MAPK8: variants seen among roughly 807,000 people sequenced by gnomAD.
MAPK8 encodes JUN N-terminal kinase.
A neutral mutation model predicts 52.9 loss-of-function variants in MAPK8; 13 were observed. The ratio of observed to expected loss-of-function variants is 0.25; its 90% CI spans 0.16 to 0.39. MAPK8 has a LOEUF of 0.39. MAPK8 is among the 10% of genes least tolerant of loss of function. The pLI is 1.00. For missense variants in MAPK8, 300 were observed against 519.2 expected (o/e 0.58, Z 4.10); for synonymous variants, 191 against 169.8 (o/e 1.12, Z -0.97).
At chr10:48,342,328 T>G (rs1399536035) in intron 1 of MAPK8, among the ~76,000 whole-genome samples, 2 of 152,028 alleles carry the variant, frequency 1.3e-5, no homozygotes, top group African/African-American at 4.8e-5. Context: ...GGTCTTGAAC[T>G]TCCTGGTCTC....
chr10:48,323,946 C>T (rs1296606149), intron 1 of MAPK8, among the ~76,000 whole-genome samples: 1 of 152,190 alleles, frequency 6.6e-6, no homozygotes, highest in African/African-American at 2.4e-5. Context: ...TCGGCTATTA[C>T]TGTTTTTTGG....
rs76376234 is a variant in MAPK8, at chr10:48,393,398, C to G, written c.-49-8214C>G. Among the ~76,000 whole-genome samples, 98 of 152,274 alleles carry G rather than the reference C, an allele frequency of 6.4e-4. 1 individual carries two copies. In the East Asian group the frequency reaches 0.017, roughly 27 times the overall value. The stretch of plus-strand genomic sequence containing the variant: ...CCAAAATTTGAAGGACTCAAATTCT[C>G]TACCCCTTACATTGTAACCATAGTC... On this transcript the variant is annotated intron_variant, in intron 1 of 11. Transcript: ENST00000374189.
chr10:48,401,121 G>C (rs2042137400), intron 1 of MAPK8, among the ~76,000 whole-genome samples: 1 of 152,118 alleles, frequency 6.6e-6, no homozygotes. Context: ...TTTTAGGCAA[G>C]GATGACACAT....
chr10:48,372,599 T>C (rs982954241), intron 1 of MAPK8, among the ~76,000 whole-genome samples: 1 of 151,262 alleles, frequency 6.6e-6, no homozygotes, highest in Non-Finnish European at 1.5e-5. Context: ...AATAGCTGAA[T>C]CGATCAAGTG....
At chr10:48,357,665 T>C (rs1194721105) in intron 1 of MAPK8, among the ~76,000 whole-genome samples, 1 of 152,180 alleles carries the variant, frequency 6.6e-6, no homozygotes, top group Non-Finnish European at 1.5e-5. Flanking sequence ...TCCAAAGTGG[T>C]GGGGTTATAG....
chr10:48,384,385 T>C (rs965269000), intron 1 of MAPK8, among the ~76,000 whole-genome samples: 2 of 152,228 alleles, frequency 1.3e-5, no homozygotes. Context: ...CAAATGAAGA[T>C]TTCTTTTGTA....
intron 1 of MAPK8, among the ~76,000 whole-genome samples, chr10:48,351,708 C>CA (rs952322283): frequency 4.0e-5 from 6 of 151,506 alleles, no homozygotes; most frequent in Non-Finnish European, 5.9e-5. Context: ...AAAACTGACA[C>CA]AAAAAAAAGA....
At chr10:48,402,557 G>T (rs1392352692) in intron 2 of MAPK8, among the ~76,000 whole-genome samples, 1 of 152,166 alleles carries the variant, frequency 6.6e-6, no homozygotes, top group Non-Finnish European at 1.5e-5. Context: ...CACTCTTTGG[G>T]ATAGTTCTGA....
At chr10:48,430,506 A>T (rs2044127861) in intron 10 of MAPK8, 1 of 152,354 alleles carries the variant, frequency 6.6e-6, no homozygotes, top group African/African-American at 2.4e-5. Flanking sequence ...CGCATATATT[A>T]ATACCAGCAG....
At chr10:48,360,344 C>A (rs1847405271) in intron 1 of MAPK8, among the ~76,000 whole-genome samples, 1 of 152,124 alleles carries the variant, frequency 6.6e-6, no homozygotes, top group South Asian at 2.1e-4. Context: ...TCTGTCAATT[C>A]CATGTTGGTG....
intron 1 of MAPK8, 96 bp from the exon 2 acceptor site, chr10:48,401,516 G>A: frequency 1.5e-6 from 1 of 685,794 alleles, no homozygotes; most frequent in Non-Finnish European, 2.4e-6. Context: ...TGATCTAGCA[G>A]TCTGTGTTAC....
rs112868033 is a variant in MAPK8, at chr10:48,320,042, C to T, written c.-50+13221C>T. ...AGTGATTCTCCTACCTCAGCCTCCC[C>T]AGTAGTTGGGATTACAGGCGCATGC... On this transcript the variant is annotated intron_variant, in intron 1 of 11. Coordinates refer to ENST00000374189, the MANE Select transcript of MAPK8 (RefSeq NM_001323329.2). Among the ~76,000 whole-genome samples the T allele has an allele frequency of 3.5e-3, 525 of 151,380 alleles. 5 individuals carry two copies. The highest frequency in any genetic ancestry group is 0.012 in the African/African-American group (512 of 41,294).
At chr10:48,353,199 ATT>A (rs200919629) in intron 1 of MAPK8, among the ~76,000 whole-genome samples, 1,683 of 152,338 alleles carry the variant, frequency 0.011, 24 homozygotes, top group Admixed American at 0.019. Flanking sequence ...GTTTAACAAA[ATT>A]TCAGCAGGTT....
intron 5 of MAPK8, among the ~76,000 whole-genome samples, chr10:48,411,329 A>C (rs925097115): frequency 2.0e-5 from 3 of 152,108 alleles, no homozygotes; most frequent in Non-Finnish European, 4.4e-5. Context: ...ATTCTTTTGT[A>C]TGTGGCAATT....
chr10:48,322,810 C>G (rs1032917680), intron 1 of MAPK8, among the ~76,000 whole-genome samples: 2 of 152,200 alleles, frequency 1.3e-5, no homozygotes, highest in African/African-American at 4.8e-5. Context: ...TCCTTACTCT[C>G]CCAGATCTTG....
At chr10:48,349,085 A>G (rs1230117179) in intron 1 of MAPK8, among the ~76,000 whole-genome samples, 1 of 152,194 alleles carries the variant, frequency 6.6e-6, no homozygotes, top group East Asian at 1.9e-4. Context: ...TAACTCTCCT[A>G]AATATATATG....
chr10:48,372,056 G>A (rs1287523432), intron 1 of MAPK8, among the ~76,000 whole-genome samples: 1 of 152,002 alleles, frequency 6.6e-6, no homozygotes, highest in African/African-American at 2.4e-5. Flanking sequence ...CCACAAAACA[G>A]TCCTTTAGAA....
intron 6 of MAPK8, among the ~76,000 whole-genome samples, chr10:48,421,915 G>A (rs750171845): frequency 6.6e-6 from 1 of 152,010 alleles, no homozygotes; most frequent in Non-Finnish European, 1.5e-5. Flanking sequence ...GGAGTCAAAT[G>A]TAATGCTTAA....
chr10:48,405,597 C>T lies in MAPK8; in HGVS notation c.252+616C>T, dbSNP rs541916675. ...AAGTTGCACTCATTTTGAGAATAAA[C>T]AGTTATACTTTTTTAAACTTACATT... On this transcript the variant is annotated intron_variant, in intron 3 of 11. Transcript: ENST00000374189. Among the ~76,000 whole-genome samples, 37 of 152,234 alleles carry T rather than the reference C, an allele frequency of 2.4e-4. No individual in the cohort carries two copies. In the South Asian group the frequency reaches 6.8e-3, roughly 28 times the overall value.
Sources: gnomAD v4.1 joint callset for allele counts (sites outside exome capture counted in the v4.1 genomes callset) on GRCh38, gnomAD v4.1.1 for gene constraint, MANE v1.5 for transcripts, NCBI Gene and HGNC (gene_info 2026-07-23, HGNC 2026-07-21) for gene names.